The following PPP2R5E variants were observed in gnomAD, a reference collection of about 807,000 sequenced individuals.
The protein encoded by PPP2R5E is protein phosphatase 2 regulatory subunit B'epsilon, also known as serine/threonine-protein phosphatase 2A 56 kDa regulatory subunit epsilon isoform.
In PPP2R5E, 4 loss-of-function variants were observed where a neutral mutation model predicts 65.3. That is an observed-to-expected ratio of 0.06 (90% CI 0.03 to 0.14). The LOEUF (loss-of-function observed/expected upper bound fraction) is 0.14, where lower values mean the gene tolerates loss of function less well. Among genes scored for constraint, PPP2R5E ranks in the 10% least tolerant of loss-of-function variants. The probability of loss-of-function intolerance (pLI) is 1.00; values close to 1 mark genes in which losing one functional copy is unlikely to be tolerated. For synonymous variants in PPP2R5E, 183 were observed against 187.4 expected (o/e 0.98, Z 0.19); for missense variants, 274 against 556.1 (o/e 0.49, Z 5.10).
intron 2 of PPP2R5E, among the ~76,000 whole-genome samples, chr14:63,462,073 ATTTT>A (rs10717359): frequency 4.1e-4 from 60 of 144,690 alleles, no homozygotes; most frequent in East Asian, 1.4e-3. Flanking sequence ...TTTCAACTGT[ATTTT>A]TTTTTTTTTT....
intron 2 of PPP2R5E, among the ~76,000 whole-genome samples, chr14:63,513,011 A>AAAC (rs1200211973): frequency 5.3e-5 from 8 of 152,068 alleles, no homozygotes; most frequent in Non-Finnish European, 8.8e-5. Context: ...CCCACCAAGA[A>AAAC]AACAACAACA....
chr14:63,428,280 A>C (rs779198530), intron 3 of PPP2R5E, among the ~76,000 whole-genome samples: 20 of 152,196 alleles, frequency 1.3e-4, no homozygotes, highest in Middle Eastern at 3.2e-3. Flanking sequence ...TCATCTCAGA[A>C]TGTCTGGCAC....
intron 2 of PPP2R5E, among the ~76,000 whole-genome samples, chr14:63,467,095 A>G (rs1967738): frequency 0.3 from 44,639 of 150,628 alleles, 8,241 homozygotes; most frequent in African/African-American, 0.52. Context: ...GCGTGGTGGC[A>G]GGCGCCTGTA....
chr14:63,391,095 T>C (rs1344640309), intron 10 of PPP2R5E, among the ~76,000 whole-genome samples: 1 of 152,188 alleles, frequency 6.6e-6, no homozygotes, highest in Non-Finnish European at 1.5e-5. Context: ...CTAGCGTCTA[T>C]GTACAGTGAC....
chr14:63,540,566 T>C (rs1195408736), intron 1 of PPP2R5E, among the ~76,000 whole-genome samples: 5 of 122,348 alleles, frequency 4.1e-5, no homozygotes, highest in Non-Finnish European at 7.0e-5. Flanking sequence ...AAAAAAAAAA[T>C]ACAAAAATTA....
At chr14:63,411,690 C>T in intron 5 of PPP2R5E, among the ~76,000 whole-genome samples, 1 of 141,860 alleles carries the variant, frequency 7.0e-6, no homozygotes, top group African/African-American at 2.6e-5. Context: ...AAAAGCCTGA[C>T]ACCTCTGCCC....
At chr14:63,432,985 A>G (rs931849770) in intron 3 of PPP2R5E, among the ~76,000 whole-genome samples, 1 of 147,988 alleles carries the variant, frequency 6.8e-6, no homozygotes, top group African/African-American at 2.6e-5. Context: ...AAACCTAAAA[A>G]GTCTTAACCA....
intron 2 of PPP2R5E, among the ~76,000 whole-genome samples, chr14:63,495,351 C>G (rs1328522755): frequency 6.7e-6 from 1 of 149,622 alleles, no homozygotes; most frequent in Non-Finnish European, 1.5e-5. Flanking sequence ...ACGGGCAGAC[C>G]ACTTGAGGTC....
intron 5 of PPP2R5E, among the ~76,000 whole-genome samples, chr14:63,403,934 G>A (rs578186929): frequency 2.0e-5 from 3 of 152,248 alleles, no homozygotes; most frequent in South Asian, 4.1e-4. Flanking sequence ...TATAGTGGGA[G>A]ATACATAATG....
intron 2 of PPP2R5E, among the ~76,000 whole-genome samples, chr14:63,530,630 C>CTTTTTTTTTTTTTTTTTTTTTTTTTTTT (rs954359159): frequency 2.5e-5 from 2 of 81,294 alleles, no homozygotes; most frequent in Non-Finnish European, 4.5e-5. Flanking sequence ...CTCTCAATTT[C>CTTTTTTTTTTTTTTTTTTTTTTTTTTTT]TTTTTTTTTT....
chr14:63,518,628 A>T (rs891894888), intron 2 of PPP2R5E, among the ~76,000 whole-genome samples: 1 of 152,318 alleles, frequency 6.6e-6, no homozygotes, highest in Non-Finnish European at 1.5e-5. Context: ...TAAATTAGCA[A>T]TATTTTTAAA....
At chr14:63,471,526 A>T (rs541312584) in intron 2 of PPP2R5E, among the ~76,000 whole-genome samples, 2 of 152,344 alleles carry the variant, frequency 1.3e-5, no homozygotes, top group South Asian at 4.1e-4. Context: ...ATACATAATA[A>T]TAGTAAAAAC....
chr14:63,379,067 C>T (rs574408176), intron 13 of PPP2R5E, among the ~76,000 whole-genome samples: 2 of 150,970 alleles, frequency 1.3e-5, no homozygotes, highest in East Asian at 1.9e-4. Flanking sequence ...CTCGCTCTGT[C>T]GCCCAGGCTG....
intron 4 of PPP2R5E, among the ~76,000 whole-genome samples, chr14:63,421,387 G>C (rs890424652): frequency 1.8e-4 from 27 of 152,276 alleles, no homozygotes; most frequent in Middle Eastern, 3.4e-3. Flanking sequence ...CTCTAATGCT[G>C]GAAACAGAGA....
At chr14:63,486,327 C>CACACACAT (rs1204641238) in intron 2 of PPP2R5E, among the ~76,000 whole-genome samples, 18 of 149,094 alleles carry the variant, frequency 1.2e-4, no homozygotes, top group Admixed American at 6.7e-4. Flanking sequence ...CACACACACA[C>CACACACAT]ATCCTTTAAA....
chr14:63,530,226 GTTTTTTT>G lies in PPP2R5E; in HGVS notation c.157+9296_157+9302del, dbSNP rs555112537. ...GAACCCTAAGTTAAGAAATTTTTCC[GTTTTTTT>G]TTTTTTTTTTTTTTTTGAGACGGAG... On this transcript the variant is annotated intron_variant, in intron 2 of 13. Coordinates refer to ENST00000337537, the MANE Select transcript of PPP2R5E (RefSeq NM_006246.5). 3.5e-4 allele frequency among the ~76,000 whole-genome samples: 35 copies of G among 99,458 alleles called. 1 individual carries two copies. In the East Asian group the frequency reaches 6.9e-3, roughly 20 times the overall value. 65.2% of individuals were successfully genotyped at this position (99,458 alleles called of 152,430 possible).
At chr14:63,474,036 A>C (rs986009536) in intron 2 of PPP2R5E, among the ~76,000 whole-genome samples, 2 of 152,212 alleles carry the variant, frequency 1.3e-5, no homozygotes, top group Non-Finnish European at 2.9e-5. Context: ...CTCTGGTCAC[A>C]ATGAGTTGAA....
At chr14:63,422,191 T>C (rs940511204) in intron 3 of PPP2R5E, 97 bp from the exon 4 acceptor site, 5 of 954,556 alleles carry the variant, frequency 5.2e-6, no homozygotes, top group African/African-American at 3.3e-5. Context: ...CAGATAACAA[T>C]GCACAAGGAA....
At chr14:63,406,412 A>G (rs75221954) in intron 5 of PPP2R5E, among the ~76,000 whole-genome samples, 1 of 144,646 alleles carries the variant, frequency 6.9e-6, no homozygotes. Context: ...CTTCATCTCA[A>G]AAAAAAAAAA....
Sources: gnomAD v4.1 joint callset for allele counts (sites outside exome capture counted in the v4.1 genomes callset) on GRCh38, gnomAD v4.1.1 for gene constraint, MANE v1.5 for transcripts, NCBI Gene and HGNC (gene_info 2026-07-23, HGNC 2026-07-21) for gene names.